Variants in ATF6 observed in about 807,000 individuals in gnomAD.
The protein encoded by ATF6 is cyclic AMP-dependent transcription factor ATF-6 alpha.
Under a neutral mutation model 83.6 loss-of-function variants are expected in ATF6, and 53 were observed. The ratio of observed to expected loss-of-function variants is 0.63; its 90% CI spans 0.51 to 0.80. ATF6 has a LOEUF of 0.80. Ranked by LOEUF, ATF6 falls within the 30% of genes least tolerant of loss-of-function variation. ATF6 has a pLI of 0.00. For missense variants in ATF6, 744 were observed against 797.9 expected, an observed-to-expected ratio of 0.93 and a Z score of 0.81; for synonymous variants, 288 against 285.8, an observed-to-expected ratio of 1.01 and a Z score of -0.08.
rs1194870423 is a variant in ATF6 at position 161,835,820 on chromosome 1, T to C, written c.1188-10629T>C. ...CTTTGTTATGTTTTCCCCTTTCTATTTTAAAGGTCACTATAGTCATCCTCC... is the reference window on the plus strand; with the variant it reads ...CTTTGTTATGTTTTCCCCTTTCTATCTTAAAGGTCACTATAGTCATCCTCC... On this transcript the variant is annotated intron_variant, in intron 9 of 15. Transcript: ENST00000367942. 3.9e-5 allele frequency among the ~76,000 whole-genome samples: 6 copies of C among 152,306 alleles called. 1 individual carries two copies. The East Asian group carries it at 1.2e-3, about 29-fold the overall frequency.
intron 15 of ATF6, among the ~76,000 whole-genome samples, chr1:161,934,808 G>C (rs899986915): frequency 3.3e-5 from 5 of 152,088 alleles, no homozygotes; most frequent in Non-Finnish European, 7.4e-5. Context: ...GGTAACCCAT[G>C]TTTTCCTAGA....
intron 9 of ATF6, among the ~76,000 whole-genome samples, chr1:161,835,651 T>TCTAGACAGACA: frequency 6.6e-6 from 1 of 152,250 alleles, no homozygotes; most frequent in African/African-American, 2.4e-5. Context: ...TTAAAATGTC[T>TCTAGACAGACA]CTAGACAGAC....
chr1:161,926,467 C>G (rs1262073135), intron 15 of ATF6, among the ~76,000 whole-genome samples: 1 of 152,160 alleles, frequency 6.6e-6, no homozygotes, highest in African/African-American at 2.4e-5. Context: ...AGCAGGTGGC[C>G]TCTTTCTGGG....
chr1:161,902,669 A>C lies in ATF6; in HGVS notation c.1720-9627A>C, dbSNP rs552374683. Among the ~76,000 whole-genome samples, 6 of 152,344 alleles carry C rather than the reference A, an allele frequency of 3.9e-5. No homozygotes were observed. The South Asian group carries it at 1.2e-3, about 32-fold the overall frequency. On this transcript the variant is annotated intron_variant, in intron 14 of 15. Transcript: ENST00000367942. ...CTCTCCTTTAGCTAGTTTACATTAT[A>C]AATCGTTTGTGGTTACCTACTATAT...
chr1:161,887,670 A>C (rs1687455591), intron 14 of ATF6, among the ~76,000 whole-genome samples: 1 of 152,246 alleles, frequency 6.6e-6, no homozygotes, highest in African/African-American at 2.4e-5. Flanking sequence ...GTGATATAAT[A>C]TGTTGCTTAG....
chr1:161,880,855 A>C (rs1419197016), intron 14 of ATF6, among the ~76,000 whole-genome samples: 1 of 152,142 alleles, frequency 6.6e-6, no homozygotes, highest in African/African-American at 2.4e-5. Flanking sequence ...ACCATTTTAC[A>C]TTCCCACCAG....
At chr1:161,826,075 A>T (rs916048552) in intron 9 of ATF6, among the ~76,000 whole-genome samples, 1 of 152,194 alleles carries the variant, frequency 6.6e-6, no homozygotes, top group African/African-American at 2.4e-5. Flanking sequence ...ATTATATCGC[A>T]AATTCACAGG....
At chr1:161,806,016 T>C (rs1685271573) in intron 7 of ATF6, among the ~76,000 whole-genome samples, 1 of 152,208 alleles carries the variant, frequency 6.6e-6, no homozygotes, top group Non-Finnish European at 1.5e-5. Context: ...TGGTTCAAAT[T>C]ATATCTTACT....
intron 14 of ATF6, among the ~76,000 whole-genome samples, chr1:161,899,559 A>G (rs1687741129): frequency 6.6e-6 from 1 of 152,218 alleles, no homozygotes; most frequent in South Asian, 2.1e-4. Flanking sequence ...CATTTGATAA[A>G]TGATTAAAAA....
chr1:161,835,836 G>A (rs942353332), intron 9 of ATF6, among the ~76,000 whole-genome samples: 1 of 152,144 alleles, frequency 6.6e-6, no homozygotes, highest in Non-Finnish European at 1.5e-5. Flanking sequence ...GGTCACTATA[G>A]TCATCCTCCT....
At chr1:161,882,310 T>C (rs557505396) in intron 14 of ATF6, among the ~76,000 whole-genome samples, 10 of 152,226 alleles carry the variant, frequency 6.6e-5, no homozygotes, top group African/African-American at 2.4e-4. Flanking sequence ...AAACCAAAAT[T>C]CTGGAGACCA....
At position 161,959,664 on chromosome 1, in the gene ATF6, C is replaced by T. The variant is rs966176008; in HGVS notation, c.*1010C>T. 1.1e-4 allele frequency: 10 copies of T among 90,274 alleles called. No individual in the cohort carries two copies. The highest frequency in any genetic ancestry group is 3.8e-4 in the South Asian group (1 of 2,602). 5.6% of individuals were successfully genotyped at this position (90,274 alleles called of 1,614,324 possible). A position where few individuals can be genotyped will look rare whatever the true frequency, so the allele number is the denominator to read the frequency against. On this transcript the variant is annotated 3_prime_UTR_variant, in exon 16 of 16. Coordinates refer to ENST00000367942, the MANE Select transcript of ATF6 (RefSeq NM_007348.4). ...CAGCCTGGGCGACAGAGCGAGACTC[C>T]GTCTCAAAAAAAAAAAAAAAAAAAA...
chr1:161,849,227 T>G (rs1314220991), intron 10 of ATF6, among the ~76,000 whole-genome samples: 1 of 152,208 alleles, frequency 6.6e-6, no homozygotes, highest in Admixed American at 6.6e-5. Flanking sequence ...ATGCTTCATT[T>G]TAGGCTGATC....
intron 14 of ATF6, among the ~76,000 whole-genome samples, chr1:161,910,901 A>G (rs997831430): frequency 2.6e-5 from 4 of 152,182 alleles, no homozygotes; most frequent in South Asian, 2.1e-4. Flanking sequence ...CTCCTCCCCA[A>G]TTTTTAAAAA....
At chr1:161,874,104 A>T (rs992798043) in intron 14 of ATF6, among the ~76,000 whole-genome samples, 1 of 151,652 alleles carries the variant, frequency 6.6e-6, no homozygotes, top group Non-Finnish European at 1.5e-5. Context: ...GCCATTTTGC[A>T]TGAGGGAAAT....
intron 14 of ATF6, among the ~76,000 whole-genome samples, chr1:161,906,797 T>A (rs1323392952): frequency 6.6e-6 from 1 of 152,214 alleles, no homozygotes; most frequent in African/African-American, 2.4e-5. Context: ...CTTTTATGGG[T>A]CTGTAGTTTT....
rs184898311 is a variant in ATF6, at chr1:161,938,545, C to A, written c.1805-19901C>A. On this transcript the variant is annotated intron_variant, in intron 15 of 15. Coordinates refer to ENST00000367942, the MANE Select transcript of ATF6 (RefSeq NM_007348.4). ...TCACCAAAGATTTTACCCATTGGTGCCAGAAATGTAAGGCAGGCAAGAAGT... is the reference window on the plus strand; with the variant it reads ...TCACCAAAGATTTTACCCATTGGTGACAGAAATGTAAGGCAGGCAAGAAGT... 2.2e-3 allele frequency among the ~76,000 whole-genome samples: 330 copies of A among 152,234 alleles called. 3 individuals carry two copies. The highest frequency in any genetic ancestry group is 0.014 in the Middle Eastern group (4 of 294).
chr1:161,918,924 A>G (rs992663006), intron 15 of ATF6, among the ~76,000 whole-genome samples: 12 of 152,206 alleles, frequency 7.9e-5, no homozygotes, highest in Non-Finnish European at 4.4e-5. Context: ...ACAGTAAATT[A>G]CATTTCCAGG....
At chr1:161,814,317 A>T (rs968158809) in intron 7 of ATF6, among the ~76,000 whole-genome samples, 1 of 152,212 alleles carries the variant, frequency 6.6e-6, no homozygotes, top group African/African-American at 2.4e-5. Context: ...GGCTGTGCCC[A>T]TGGTGTGGCT....
Sources: allele counts gnomAD v4.1 joint callset (sites outside exome capture counted in the v4.1 genomes callset), GRCh38; gene constraint gnomAD v4.1.1; transcripts MANE v1.5; gene names NCBI Gene and HGNC (gene_info 2026-07-23, HGNC 2026-07-21).